Variants in DPP6 observed in about 807,000 individuals in gnomAD.
DPP6 encodes A-type potassium channel modulatory protein DPP6.
Under a neutral mutation model 122.6 loss-of-function variants are expected in DPP6, and 69 were observed. The observed-to-expected ratio is 0.56, with a 90% CI of 0.46 to 0.69. The LOEUF is 0.69. Among genes scored for constraint, DPP6 ranks in the 30% least tolerant of loss-of-function variants. The pLI is 0.00. For missense variants in DPP6, 928 were observed against 1,116.9 expected (o/e 0.83, Z 2.41); for synonymous variants, 418 against 433.1 (o/e 0.97, Z 0.43).
Position 154,668,220 on chromosome 7 carries a change from A to ATAT in DPP6, c.681-1139_681-1137dup, listed in dbSNP as rs1838316475. On this transcript the variant is annotated intron_variant, in intron 6 of 25. Transcript: ENST00000377770. ...TTTTATATATATATATATATATATA[A>ATAT]TATACACATTTTTTTTTCAAGACAG... Among the ~76,000 whole-genome samples the ATAT allele has an allele frequency of 4.8e-3, 121 of 24,986 alleles. 21 individuals carry two copies. The highest frequency in any genetic ancestry group is 0.013 in the Non-Finnish European group (105 of 8,228). 16.4% of individuals were successfully genotyped at this position (24,986 alleles called of 152,430 possible).
chr7:154,329,080 CT>C (rs1808693552), intron 1 of DPP6, among the ~76,000 whole-genome samples: 2 of 152,300 alleles, frequency 1.3e-5, no homozygotes, highest in South Asian at 4.1e-4. Context: ...GGTTTTAGCC[CT>C]ACTTATCTCT....
At chr7:154,883,136 C>CAT (rs1478428833) in intron 21 of DPP6, among the ~76,000 whole-genome samples, 4 of 150,994 alleles carry the variant, frequency 2.6e-5, no homozygotes, top group Non-Finnish European at 5.9e-5. Flanking sequence ...CATACACACA[C>CAT]ATGCTCACCC....
intron 1 of DPP6, among the ~76,000 whole-genome samples, chr7:154,106,338 G>A (rs1323975959): frequency 2.8e-4 from 34 of 120,896 alleles, no homozygotes; most frequent in Non-Finnish European, 4.7e-4. Flanking sequence ...ATCTCCAACC[G>A]CTAGGCCAGG....
At chr7:154,401,104 G>A (rs964240514) in intron 1 of DPP6, among the ~76,000 whole-genome samples, 16 of 152,068 alleles carry the variant, frequency 1.1e-4, no homozygotes, top group African/African-American at 3.9e-4. Context: ...GGCTGAGGCA[G>A]GAGAATCACT....
intron 1 of DPP6, among the ~76,000 whole-genome samples, chr7:153,928,067 A>G (rs771824504): frequency 2.0e-5 from 3 of 151,926 alleles, no homozygotes; most frequent in Non-Finnish European, 4.4e-5. Context: ...TAACATTAAC[A>G]ATAACAATTA....
intron 1 of DPP6, among the ~76,000 whole-genome samples, chr7:154,061,748 T>G (rs1341616972): frequency 1.4e-5 from 1 of 71,978 alleles, no homozygotes; most frequent in Non-Finnish European, 2.8e-5. Context: ...CCCCCTTTCC[T>G]CCCCTGGCTC....
At chr7:154,711,132 CAATT>C (rs1841153327) in intron 7 of DPP6, among the ~76,000 whole-genome samples, 2 of 152,300 alleles carry the variant, frequency 1.3e-5, no homozygotes, top group South Asian at 4.1e-4. Context: ...TATAATGTGT[CAATT>C]AAAGAAACCT....
intron 16 of DPP6, among the ~76,000 whole-genome samples, chr7:154,848,286 C>G (rs917685293): frequency 6.6e-6 from 1 of 152,164 alleles, no homozygotes; most frequent in Admixed American, 6.5e-5. Context: ...TTACCTTCCC[C>G]CCAGAGCATA....
chr7:154,301,786 CTTTTTTTT>C (rs869114137), intron 1 of DPP6, among the ~76,000 whole-genome samples: 3 of 119,834 alleles, frequency 2.5e-5, no homozygotes, highest in South Asian at 2.8e-4. Flanking sequence ...GATCTGCCCT[CTTTTTTTT>C]TTTTTTTTTT....
intron 8 of DPP6, among the ~76,000 whole-genome samples, chr7:154,738,030 G>C (rs1842648434): frequency 6.6e-6 from 1 of 152,212 alleles, no homozygotes; most frequent in African/African-American, 2.4e-5. Flanking sequence ...TTGCCAACAG[G>C]TTCATTGTAT....
intron 5 of DPP6, among the ~76,000 whole-genome samples, chr7:154,578,276 C>T (rs1352090746): frequency 2.0e-5 from 3 of 152,074 alleles, no homozygotes; most frequent in African/African-American, 7.2e-5. Context: ...CACAGTAAGG[C>T]AACTCATCAT....
chr7:154,469,603 C>T (rs1346796677), intron 2 of DPP6, among the ~76,000 whole-genome samples: 1 of 152,064 alleles, frequency 6.6e-6, no homozygotes, highest in East Asian at 1.9e-4. Flanking sequence ...GACGTGCTAC[C>T]TGGTTTTAAA....
rs115207880 is a variant in DPP6 at position 154,389,831 on chromosome 7, A to T, written c.244-56383A>T. On this transcript the variant is annotated intron_variant, in intron 1 of 25. Coordinates refer to ENST00000377770, the MANE Select transcript of DPP6 (RefSeq NM_130797.4). ...TGAATTATTCCTAAAAGGATTAAAT[A>T]CCTAAGCTTTGAAGTTGGATGGGTG... Among the ~76,000 whole-genome samples, 527 of 152,364 alleles carry T rather than the reference A, an allele frequency of 3.5e-3. 2 individuals are homozygous for T. The highest frequency in any genetic ancestry group is 0.012 in the African/African-American group (508 of 41,590).
intron 5 of DPP6, among the ~76,000 whole-genome samples, chr7:154,586,135 C>T (rs532311258): frequency 1.4e-3 from 212 of 152,032 alleles, no homozygotes; most frequent in Non-Finnish European, 7.5e-4. Context: ...TCGTTGCCAC[C>T]GTCTTGGAGG....
chr7:153,982,885 A>C lies in DPP6; in HGVS notation c.51+95151A>C, dbSNP rs183554963. ...GTATCACCAGTGAAGGCTGCAGAAC[A>C]GCAAAGATTGCTGCCTGCTTCTTCT... On this transcript the variant is annotated intron_variant, in intron 1 of 25. Coordinates refer to the DPP6 transcript ENST00000404039. Among the ~76,000 whole-genome samples the C allele has an allele frequency of 9.2e-5, 14 of 152,362 alleles. No individual in the cohort carries two copies. The East Asian group carries it at 2.3e-3, about 25-fold the overall frequency.
chr7:154,179,069 A>G (rs988445500), intron 1 of DPP6, among the ~76,000 whole-genome samples: 7 of 152,162 alleles, frequency 4.6e-5, no homozygotes, highest in Admixed American at 1.3e-4. Context: ...CAGGCTGAAG[A>G]AGTTCCTGCC....
chr7:153,863,195 A>G, the DPP6 span, among the ~76,000 whole-genome samples: 7 of 152,196 alleles, frequency 4.6e-5, no homozygotes, highest in African/African-American at 1.7e-4. Flanking sequence ...ATAGCAAAAC[A>G]TAAAAACCTT....
At chr7:154,328,737 G>C (rs1390982777) in intron 1 of DPP6, among the ~76,000 whole-genome samples, 1 of 152,144 alleles carries the variant, frequency 6.6e-6, no homozygotes, top group Non-Finnish European at 1.5e-5. Flanking sequence ...TTAGGGGCAG[G>C]AACCAGGTCT....
chr7:154,544,530 A>G (rs1829006953), intron 4 of DPP6, among the ~76,000 whole-genome samples: 1 of 152,184 alleles, frequency 6.6e-6, no homozygotes, highest in Admixed American at 6.5e-5. Context: ...CCGCTCTAGA[A>G]TAACAAAACA....
Sources: allele counts gnomAD v4.1 joint callset (sites outside exome capture counted in the v4.1 genomes callset), GRCh38; gene constraint gnomAD v4.1.1; transcripts MANE v1.5; gene names NCBI Gene and HGNC (gene_info 2026-07-23, HGNC 2026-07-21).